The following AOPEP variants were observed in gnomAD, a reference collection of about 807,000 sequenced individuals.
The protein encoded by AOPEP is aminopeptidase O.
In AOPEP, 77 loss-of-function variants were observed where a neutral mutation model predicts 98.1. The ratio of observed to expected loss-of-function variants is 0.78; its 90% CI spans 0.65 to 0.95. The LOEUF is 0.95. Among genes scored for constraint, AOPEP ranks in the 40% least tolerant of loss-of-function variants. The pLI is 0.00. For missense variants in AOPEP, 1,024 were observed against 1,024.7 expected (o/e 1.00, Z 0.01); for synonymous variants, 346 against 365.3 (o/e 0.95, Z 0.60).
intron 1 of AOPEP, among the ~76,000 whole-genome samples, chr9:94,741,309 G>C (rs1161194653): frequency 1.3e-5 from 2 of 150,970 alleles, no homozygotes; most frequent in African/African-American, 4.9e-5. Flanking sequence ...GTCTTGCTCT[G>C]TCGCCCAGGC....
chr9:94,752,682 G>A (rs1382348924), intron 1 of AOPEP, among the ~76,000 whole-genome samples: 1 of 152,188 alleles, frequency 6.6e-6, no homozygotes, highest in African/African-American at 2.4e-5. Context: ...AATTGTGGCA[G>A]ATTGTATTTT....
intron 14 of AOPEP, among the ~76,000 whole-genome samples, chr9:95,077,764 C>G (rs1394861112): frequency 1.3e-5 from 2 of 152,230 alleles, no homozygotes; most frequent in East Asian, 3.9e-4. Context: ...TTTGGAAATA[C>G]TGCTGGGCTT....
At chr9:95,032,882 A>G (rs188963606) in intron 13 of AOPEP, among the ~76,000 whole-genome samples, 1 of 152,282 alleles carries the variant, frequency 6.6e-6, no homozygotes, top group Non-Finnish European at 1.5e-5. Context: ...TGACCAGGCT[A>G]TGTGATGGGC....
At chr9:94,790,245 C>T in intron 3 of AOPEP, among the ~76,000 whole-genome samples, 1 of 151,916 alleles carries the variant, frequency 6.6e-6, no homozygotes. Context: ...CGGCTCACTG[C>T]AACCTCTGCC....
intron 13 of AOPEP, among the ~76,000 whole-genome samples, chr9:95,045,334 G>A (rs2065753521): frequency 6.6e-6 from 1 of 152,234 alleles, no homozygotes; most frequent in African/African-American, 2.4e-5. Context: ...CTGCAGGCTG[G>A]GGCGCGCCCC....
At chr9:94,834,812 GCATACATA>G (rs960389893) in intron 5 of AOPEP, among the ~76,000 whole-genome samples, 1 of 22,162 alleles carries the variant, frequency 4.5e-5, no homozygotes, top group African/African-American at 7.9e-5. Flanking sequence ...ATGCATGCAT[GCATACATA>G]CATACATACA....
At chr9:95,026,484 C>T (rs549258195) in intron 13 of AOPEP, among the ~76,000 whole-genome samples, 1 of 152,336 alleles carries the variant, frequency 6.6e-6, no homozygotes, top group East Asian at 1.9e-4. Flanking sequence ...TTTCACTTAG[C>T]ATAACGTATT....
chr9:94,881,846 T>C (rs2047620384), intron 5 of AOPEP, among the ~76,000 whole-genome samples: 1 of 152,228 alleles, frequency 6.6e-6, no homozygotes, highest in South Asian at 2.1e-4. Context: ...TTTGGCAATG[T>C]TTCTAGCTTA....
chr9:95,124,647 G>T, the AOPEP span, among the ~76,000 whole-genome samples: 1 of 152,172 alleles, frequency 6.6e-6, no homozygotes, highest in Non-Finnish European at 1.5e-5. Flanking sequence ...TAAGAATGAA[G>T]ATGCTAATAA....
intron 1 of AOPEP, among the ~76,000 whole-genome samples, chr9:94,751,948 A>G (rs560983796): frequency 7.5e-5 from 11 of 146,158 alleles, no homozygotes; most frequent in Non-Finnish European, 1.6e-4. Context: ...GCTGGAGTAC[A>G]GTGACACAAT....
chr9:95,138,453 G>A, the AOPEP span, among the ~76,000 whole-genome samples: 1 of 152,210 alleles, frequency 6.6e-6, no homozygotes, highest in Non-Finnish European at 1.5e-5. Flanking sequence ...AACACCCCTG[G>A]GTGTGGAGAG....
intron 5 of AOPEP, among the ~76,000 whole-genome samples, chr9:94,884,878 G>A (rs1473925445): frequency 1.6e-4 from 24 of 150,388 alleles, no homozygotes; most frequent in Admixed American, 1.4e-3. Context: ...GCGTGGTGGC[G>A]GGCGCCTGTA....
intron 5 of AOPEP, among the ~76,000 whole-genome samples, chr9:94,890,609 A>T (rs1282839661): frequency 6.6e-6 from 1 of 151,930 alleles, no homozygotes; most frequent in Non-Finnish European, 1.5e-5. Context: ...CTTTTTTTCT[A>T]ATGTCAGCAG....
At chr9:94,823,315 T>C (rs1383120113) in intron 5 of AOPEP, among the ~76,000 whole-genome samples, 1 of 152,246 alleles carries the variant, frequency 6.6e-6, no homozygotes, top group Non-Finnish European at 1.5e-5. Flanking sequence ...TGCTAACAGC[T>C]GTACTGGGCA....
chr9:95,132,259 C>T, the AOPEP span, among the ~76,000 whole-genome samples: 2 of 152,228 alleles, frequency 1.3e-5, no homozygotes, highest in Non-Finnish European at 2.9e-5. Flanking sequence ...ACCCTGCAGA[C>T]ACTTTTCATT....
In AOPEP at chr9:94,923,985, G is replaced by T. The variant is rs1295327405; in HGVS notation, c.1365-1G>T. The T allele has an allele frequency of 7.0e-7, 1 of 1,430,200 alleles. No homozygotes were observed. The allele number at this position is 1,430,200 out of a possible 1,614,324, so 88.6% of individuals were successfully genotyped here. ...TGCATTTTCTCCCCCATTATCCACAGCCCACACATCATGTTCCTCTCTCAG... is the reference window on the plus strand; with the variant it reads ...TGCATTTTCTCCCCCATTATCCACATCCCACACATCATGTTCCTCTCTCAG... On this transcript the variant is annotated splice_acceptor_variant, in intron 5 of 16. Transcript: ENST00000375315. LOFTEE classifies it high-confidence loss of function.
chr9:94,878,861 G>C (rs1466220361), intron 5 of AOPEP, among the ~76,000 whole-genome samples: 1 of 152,216 alleles, frequency 6.6e-6, no homozygotes, highest in Non-Finnish European at 1.5e-5. Context: ...TATCAAGACA[G>C]GGGAATTGCA....
At chr9:95,095,405 T>C in the AOPEP span, among the ~76,000 whole-genome samples, 2 of 152,096 alleles carry the variant, frequency 1.3e-5, no homozygotes, top group Non-Finnish European at 1.5e-5. Flanking sequence ...TCCCGTTCCC[T>C]GTGTCGTGTG....
chr9:94,935,591 T>C (rs2056132983), intron 7 of AOPEP, among the ~76,000 whole-genome samples: 1 of 152,106 alleles, frequency 6.6e-6, no homozygotes, highest in Non-Finnish European at 1.5e-5. Flanking sequence ...TGGAAAAATG[T>C]ACAGTCCCAG....
Sources: gnomAD v4.1 joint callset for allele counts (sites outside exome capture counted in the v4.1 genomes callset) on GRCh38, gnomAD v4.1.1 for gene constraint, MANE v1.5 for transcripts, NCBI Gene and HGNC (gene_info 2026-07-23, HGNC 2026-07-21) for gene names.